NOL6: variants seen among roughly 807,000 people sequenced by gnomAD.
NOL6 encodes nucleolar protein 6, also known as nucleolar RNA-associated protein.
NOL6 carries 33 observed loss-of-function variants against 131.7 expected under a neutral mutation model. The ratio of observed to expected loss-of-function variants is 0.25; its 90% CI spans 0.19 to 0.33. The LOEUF (loss-of-function observed/expected upper bound fraction) is 0.33. Ranked by LOEUF, NOL6 falls within the 10% of genes least tolerant of loss-of-function variation. NOL6 has a pLI of 1.00. For missense variants in NOL6, 1,297 were observed against 1,494.5 expected (o/e 0.87, Z 2.18); for synonymous variants, 580 against 605.7 (o/e 0.96, Z 0.62).
intron 24 of NOL6, 36 bp downstream of exon 24, chr9:33,463,211 T>C (rs1275770016): frequency 6.2e-7 from 1 of 1,608,886 alleles, no homozygotes; most frequent in African/African-American, 1.3e-5. Flanking sequence ...CACCTGGAAG[T>C]CCCCTCCCCA....
Position 33,472,370 on chromosome 9 carries a change from T to C in NOL6, c.97A>G (p.Lys33Glu). 1 of 1,614,204 alleles carries C rather than the reference T, an allele frequency of 6.2e-7. No individual in the cohort carries two copies. Residue 33 changes from lysine to glutamate, a missense_variant, in exon 2 of 26, where the codon AAA becomes GAA. By Grantham distance (56) the Lys-to-Glu change is moderately conservative (BLOSUM62 1). Transcript: ENST00000297990. ...AATGTACGCTTCCTGGAGGATGCTT[T>C]CTTCCCCTCTTTGCCTGTGCCTTCC... ...ALEGTGKEGK[K>E]ASSRKRTLAE...
chr9:33,467,998 C>G lies in NOL6; in HGVS notation c.1424+32G>C. Reference sequence around the variant, plus strand: ...CACTGTAGCCCCGAAGAGACAGGACCCGCCAACATACCCTGTCACCCCTAA... The same window carrying G: ...CACTGTAGCCCCGAAGAGACAGGACGCGCCAACATACCCTGTCACCCCTAA... On this transcript the variant is annotated intron_variant, in intron 11 of 25. Coordinates refer to ENST00000297990, the MANE Select transcript of NOL6 (RefSeq NM_022917.5). The surrounding 1 kb of genome is among the most constrained non-coding windows in gnomAD (Gnocchi z 4.4). 6.2e-7 allele frequency: 1 copy of G among 1,613,848 alleles called. No homozygotes were observed.
chr9:33,469,197 G>C lies in NOL6; in HGVS notation c.862+10C>G. On this transcript the variant is annotated intron_variant, in intron 6 of 25. Coordinates refer to ENST00000297990, the MANE Select transcript of NOL6 (RefSeq NM_022917.5). ...CCTCCAGCTCCACCTCAACACCAGG[G>C]CCTGCTCACCATCCCCTGCAGGACT... 6.2e-7 allele frequency: 1 copy of C among 1,614,190 alleles called. No individual in the cohort carries two copies. The highest frequency in any genetic ancestry group is 8.5e-7 in the Non-Finnish European group (1 of 1,180,024).
At position 33,463,271 on chromosome 9, in the gene NOL6, A is replaced by T; in HGVS notation, c.3165T>A (p.Pro1055=). The T allele has an allele frequency of 6.2e-7, 1 of 1,613,988 alleles. No individual in the cohort carries two copies. Among genetic ancestry groups the T allele is most frequent in the Non-Finnish European group, 8.5e-7 (1 of 1,179,890 alleles). Residue 1055 remains proline, a synonymous_variant, in exon 24 of 26, where the codon CCT becomes CCA. Transcript: ENST00000297990. ...SLMPVLGYDP[P]QLYLTQLREA... ...CCCTGAGCTGCGTCAGATAGAGCTGAGGAGGATCATAGCCCAGCACGGGCA... is the reference window on the plus strand; with the variant it reads ...CCCTGAGCTGCGTCAGATAGAGCTGTGGAGGATCATAGCCCAGCACGGGCA...
intron 22 of NOL6, 43 bp from the exon 23 acceptor site, chr9:33,463,963 C>G: frequency 6.2e-7 from 1 of 1,614,000 alleles, no homozygotes; most frequent in Non-Finnish European, 8.5e-7. Context: ...AAGTGGGTCT[C>G]TCCCAGGTCA....
rs767604471 is a variant in NOL6, at chr9:33,470,059, A to G, written c.511T>C (p.Cys171Arg). ...TVVGSYLLGT[C>R]IRPDINVDVA... ...TCCACATTGATGTCTGGTCGGATGC[A>G]GGTGCCCAGAAGGTAGCTGCCCACA... Residue 171 changes from cysteine to arginine, a missense_variant, in exon 4 of 26, where the codon TGC (cysteine) becomes CGC (arginine). Coordinates refer to ENST00000297990, the MANE Select transcript of NOL6 (RefSeq NM_022917.5). 6.2e-7 allele frequency: 1 copy of G among 1,611,982 alleles called. No homozygotes were observed. The highest frequency in any genetic ancestry group is 8.5e-7 in the Non-Finnish European group (1 of 1,178,764).
chr9:33,472,481 C>T (rs1587228422), intron 1 of NOL6, 69 bp from the exon 2 acceptor site: 1 of 1,284,038 alleles, frequency 7.8e-7, no homozygotes, highest in Non-Finnish European at 1.1e-6. Flanking sequence ...AAAGTGCCAC[C>T]ATGATAGGTT....
Position 33,468,996 on chromosome 9 carries a change from G to A in NOL6, c.988C>T (p.Leu330Phe). The A allele has an allele frequency of 6.2e-7, 1 of 1,614,184 alleles. No homozygotes were observed. Among genetic ancestry groups the A allele is most frequent in the Non-Finnish European group, 8.5e-7 (1 of 1,180,034 alleles). The part of the protein sequence containing the change: ...SAQGLKDGVA[L>F]LKVWLRQREL... Reference sequence around the variant, plus strand: ...CGCTGCCGCAGCCAGACCTTCAGAAGTGCCACGCCATCCTTCAGGCCCTGG... The same window carrying A: ...CGCTGCCGCAGCCAGACCTTCAGAAATGCCACGCCATCCTTCAGGCCCTGG... Residue 330 changes from leucine to phenylalanine, a missense_variant, in exon 7 of 26, where the codon CTT becomes TTT. By Grantham distance (22) the Leu-to-Phe change is conservative. Transcript: ENST00000297990.
rs924297892 is a variant in NOL6 at position 33,461,938 on chromosome 9, C to T, written c.*726G>A. On this transcript the variant is annotated 3_prime_UTR_variant, in exon 26 of 26. Transcript: ENST00000297990. ...TAGTAGTGGCAGTTTGTGACATGAA[C>T]GGGCAAACAGCCAGGGCAGATGCAG... The T allele has an allele frequency of 5.2e-5, 28 of 540,240 alleles. No individual in the cohort carries two copies. Among genetic ancestry groups the T allele is most frequent in the East Asian group, 1.2e-4 (4 of 33,564 alleles). 33.5% of individuals were successfully genotyped at this position (540,240 alleles called of 1,614,324 possible). A position where few individuals can be genotyped will look rare whatever the true frequency, so the allele number is the denominator to read the frequency against.
Position 33,468,389 on chromosome 9 carries a change from C to T in NOL6, c.1240G>A (p.Val414Ile), listed in dbSNP as rs371774819. Residue 414 changes from valine (V) to isoleucine (I), a missense_variant, in exon 10 of 26, where the codon GTT (valine) becomes ATT (isoleucine). By Grantham distance (29) the Val-to-Ile change is conservative. Transcript: ENST00000297990. ...TGGCCTGAGGAATCCAGGAAGACAA[C>T]GGAGAAGGCCTGGTGGAAGTCAGCC... ...ALADFHQAFSVVFLDSSGHLN... is the reference protein window; with the variant it reads ...ALADFHQAFSIVFLDSSGHLN... The T allele has an allele frequency of 5.3e-5, 86 of 1,613,974 alleles. No individual in the cohort carries two copies. The highest frequency in any genetic ancestry group is 1.6e-4 in the Middle Eastern group (1 of 6,084).
intron 21 of NOL6, among the ~76,000 whole-genome samples, chr9:33,464,415 A>G (rs2119010261): frequency 6.6e-6 from 1 of 152,178 alleles, no homozygotes; most frequent in East Asian, 1.9e-4. Flanking sequence ...CCGGGCCTGC[A>G]CAAGCTGAGT....
chr9:33,467,704 G>T lies in NOL6; in HGVS notation c.1589C>A (p.Pro530His). 1 of 1,568,352 alleles carries T rather than the reference G, an allele frequency of 6.4e-7. No homozygotes were observed. Among genetic ancestry groups the T allele is most frequent in the South Asian group, 1.2e-5 (1 of 82,608 alleles). Residue 530 changes from proline (P) to histidine (H), a missense_variant, in exon 12 of 26, where the codon CCC (proline) becomes CAC (histidine). Transcript: ENST00000297990. The surrounding 1 kb of genome is among the most constrained non-coding windows in gnomAD (Gnocchi z 4.4). ...ARLNLLAHSR[P>H]PVPEWDISQD... ...ACACCACCTCACCTCTGGGACTGGG[G>T]GTCGAGAGTGAGCCAGCAGGTTCAG...
In NOL6 at chr9:33,466,556, C is replaced by T. The variant is rs761307942; in HGVS notation, c.2091+13G>A. On this transcript the variant is annotated intron_variant, in intron 16 of 25. Transcript: ENST00000297990. The stretch of plus-strand genomic sequence containing the variant: ...CACTAAGCAGAAAGGTCACCTGCAC[C>T]GTTGCACCTCACCTCTGTGTAGCGC... The T allele has an allele frequency of 1.2e-5, 19 of 1,613,892 alleles. No individual in the cohort carries two copies. Among genetic ancestry groups the T allele is most frequent in the East Asian group, 8.9e-5 (4 of 44,886 alleles).
At position 33,461,920 on chromosome 9, in the gene NOL6, G is replaced by T; in HGVS notation, c.*744C>A. On this transcript the variant is annotated 3_prime_UTR_variant, in exon 26 of 26. Transcript: ENST00000297990. The stretch of plus-strand genomic sequence containing the variant: ...AACCCCACTGCAGGTACATAGTAGT[G>T]GCAGTTTGTGACATGAACGGGCAAA... 1 of 522,992 alleles carries T rather than the reference G, an allele frequency of 1.9e-6. No individual in the cohort carries two copies. The highest frequency in any genetic ancestry group is 3.5e-6 in the Non-Finnish European group (1 of 288,168). The allele number at this position is 522,992 out of a possible 1,614,324, so 32.4% of individuals were successfully genotyped here. A position where few individuals can be genotyped will look rare whatever the true frequency, so the allele number is the denominator to read the frequency against.
chr9:33,468,369 T>G lies in NOL6; in HGVS notation c.1260A>C (p.Ser420=), dbSNP rs758738474. The G allele has an allele frequency of 1.2e-6, 2 of 1,614,066 alleles. No homozygotes were observed. The highest frequency in any genetic ancestry group is 1.7e-6 in the Non-Finnish European group (2 of 1,179,968). ...CATCAGCACAGAGGTTGAGATGGCC[T>G]GAGGAATCCAGGAAGACAACGGAGA... is the stretch of plus-strand genomic sequence containing the variant. The part of the protein sequence containing the change: ...QAFSVVFLDS[S]GHLNLCADVT... Residue 420 remains serine, a synonymous_variant, in exon 10 of 26, where the codon TCA becomes TCC. Transcript: ENST00000297990.
chr9:33,472,616 G>A, intron 1 of NOL6: 4 of 596,630 alleles, frequency 6.7e-6, no homozygotes, highest in South Asian at 2.0e-5. Context: ...TGAGTTAAGA[G>A]CTCTCCTGTC....
intron 10 of NOL6, 51 bp from the exon 11 acceptor site, chr9:33,468,196 T>C: frequency 6.2e-7 from 1 of 1,613,796 alleles, no homozygotes; most frequent in African/African-American, 1.3e-5. Context: ...TCCAAGGGCT[T>C]AGACCAGGAG....
At position 33,467,533 on chromosome 9, in the gene NOL6, G is replaced by A; in HGVS notation, c.1603-17C>T. The A allele has an allele frequency of 6.2e-7, 1 of 1,613,770 alleles. No homozygotes were observed. The highest frequency in any genetic ancestry group is 8.5e-7 in the Non-Finnish European group (1 of 1,179,754). On this transcript the variant is annotated splice_polypyrimidine_tract_variant and intron_variant, in intron 12 of 25. Coordinates refer to ENST00000297990, the MANE Select transcript of NOL6 (RefSeq NM_022917.5). This position sits in a 1 kb window ranked among gnomAD's most constrained non-coding sequence, Gnocchi z 4.4. ...GATGTCCCACTGCAGGATTTCAAAA[G>A]GCTGAGCTCAGTCCTCCAATCCTCC...
chr9:33,469,273 G>A lies in NOL6; in HGVS notation c.796C>T (p.Arg266Cys), dbSNP rs757958778. ...CPPPDFFRPC[R>C]LLPTKNNVRS... ...ACATTGTTCTTGGTTGGCAGCAAGC[G>A]GCACGGGCGGAAGAAGTCAGGTGGA... Residue 266 changes from arginine to cysteine, a missense_variant, in exon 6 of 26, where the codon CGC (arginine) becomes TGC (cysteine). By Grantham distance (180) the Arg-to-Cys change is radical. Transcript: ENST00000297990. 6.8e-6 allele frequency: 11 copies of A among 1,614,204 alleles called. No homozygotes were observed. Among genetic ancestry groups the A allele is most frequent in the Middle Eastern group, 3.3e-4 (2 of 6,062 alleles).
Sources: gnomAD v4.1 joint callset for allele counts (sites outside exome capture counted in the v4.1 genomes callset) on GRCh38, gnomAD v4.1.1 for gene constraint, Gnocchi (gnomAD v3.1) non-coding constraint, MANE v1.5 for transcripts, NCBI Gene and HGNC (gene_info 2026-07-23, HGNC 2026-07-21) for gene names.